HDAC9: variants seen among roughly 807,000 people sequenced by gnomAD.
HDAC9 encodes the protein MEF-2 interacting transcription repressor (MITR) protein.
Under a neutral mutation model 139.4 loss-of-function variants are expected in HDAC9, and 41 were observed. The ratio of observed to expected loss-of-function variants is 0.29; its 90% CI spans 0.23 to 0.38. The LOEUF is 0.38. Ranked by LOEUF, HDAC9 falls within the 10% of genes least tolerant of loss-of-function variation. The probability of loss-of-function intolerance (pLI) is 1.00; values close to 1 mark genes in which losing one functional copy is unlikely to be tolerated. For synonymous variants in HDAC9, 517 were observed against 476.2 expected, an observed-to-expected ratio of 1.09 and a Z score of -1.12; for missense variants, 1,147 against 1,297.0, an observed-to-expected ratio of 0.88 and a Z score of 1.78.
At chr7:18,509,229 G>C in intron 2 of HDAC9, 1 of 978,514 alleles carries the variant, frequency 1.0e-6, no homozygotes, top group Non-Finnish European at 1.2e-6. Context: ...CTAAGTCAAA[G>C]CACAATTAGA....
At chr7:18,914,013 T>C (rs1002870484) in intron 22 of HDAC9, among the ~76,000 whole-genome samples, 1 of 152,008 alleles carries the variant, frequency 6.6e-6, no homozygotes, top group African/African-American at 2.4e-5. Flanking sequence ...ACCAATGTTA[T>C]AATGTTAGGA....
rs183287780 is a variant in HDAC9, at chr7:18,905,186, C to T, written c.2803+30590C>T. 2.4e-3 allele frequency among the ~76,000 whole-genome samples: 369 copies of T among 152,310 alleles called. 2 individuals are homozygous for T. Among genetic ancestry groups the T allele is most frequent in the African/African-American group, 8.2e-3 (340 of 41,566 alleles). On this transcript the variant is annotated intron_variant, in intron 22 of 25. Coordinates refer to ENST00000686413, the MANE Select transcript of HDAC9 (RefSeq NM_178425.4). ...GATTACAGGCGTGAGCCACTGCGCC[C>T]GGCCCAGCCTCCCCATTTCTTGTTA...
intron 1 of HDAC9, among the ~76,000 whole-genome samples, chr7:18,126,068 A>G (rs1388510187): frequency 6.6e-6 from 1 of 152,076 alleles, no homozygotes; most frequent in Non-Finnish European, 1.5e-5. Flanking sequence ...ATTCTTTCCT[A>G]TTTATATAGT....
intron 2 of HDAC9, among the ~76,000 whole-genome samples, chr7:18,280,774 A>G (rs1280911131): frequency 4.7e-5 from 7 of 150,536 alleles, no homozygotes; most frequent in South Asian, 4.2e-4. Flanking sequence ...AAAAAAATAA[A>G]TAAATAAATA....
intron 2 of HDAC9, among the ~76,000 whole-genome samples, chr7:18,513,256 G>A (rs1305034050): frequency 6.6e-6 from 1 of 152,214 alleles, no homozygotes; most frequent in African/African-American, 2.4e-5. Context: ...AGGGACTTTA[G>A]TAAAGTGGTT....
At chr7:18,239,472 A>T (rs1229521522) in intron 2 of HDAC9, among the ~76,000 whole-genome samples, 1 of 152,188 alleles carries the variant, frequency 6.6e-6, no homozygotes, top group East Asian at 1.9e-4. Context: ...GTTTTGATGT[A>T]CATAAAAGCT....
intron 6 of HDAC9, among the ~76,000 whole-genome samples, chr7:18,600,152 T>A (rs1833571734): frequency 6.6e-6 from 1 of 152,146 alleles, no homozygotes; most frequent in Non-Finnish European, 1.5e-5. Flanking sequence ...AATTGGTTTT[T>A]TTCTCATTGT....
chr7:18,599,020 A>C (rs1311361441), intron 6 of HDAC9, among the ~76,000 whole-genome samples: 1 of 152,184 alleles, frequency 6.6e-6, no homozygotes, highest in African/African-American at 2.4e-5. Context: ...TTAACAAATA[A>C]AATAAAAAAC....
chr7:18,829,949 G>A (rs965963391), intron 19 of HDAC9, among the ~76,000 whole-genome samples: 2 of 152,100 alleles, frequency 1.3e-5, no homozygotes, highest in Non-Finnish European at 2.9e-5. Context: ...TAGAAATCAT[G>A]TTGCTTGTTG....
chr7:18,194,706 T>TA (rs755731143), intron 2 of HDAC9, among the ~76,000 whole-genome samples: 41 of 152,236 alleles, frequency 2.7e-4, no homozygotes, highest in Non-Finnish European at 4.7e-4. Flanking sequence ...ATACATTAAA[T>TA]AAACAGGCAA....
intron 2 of HDAC9, chr7:18,260,651 G>A (rs1242328380): frequency 6.5e-6 from 1 of 154,128 alleles, no homozygotes; most frequent in East Asian, 1.9e-4. Flanking sequence ...ATTTCCTTTA[G>A]TCAGTACAAC....
rs1171644767 is a variant in HDAC9 at position 19,002,202 on chromosome 7, C to T, written c.*6140C>T. 2 of 152,096 alleles carry T rather than the reference C, an allele frequency of 1.3e-5. No homozygotes were observed. Among genetic ancestry groups the T allele is most frequent in the African/African-American group, 4.8e-5 (2 of 41,434 alleles). The allele number at this position is 152,096 out of a possible 1,614,324, so 9.4% of individuals were successfully genotyped here. On this transcript the variant is annotated 3_prime_UTR_variant, in exon 26 of 26. Transcript: ENST00000686413. ...CTAATAAAGGATTAATATCTAATAACAATACCATTGTTGAACATGCTCATG... is the reference window on the plus strand; with the variant it reads ...CTAATAAAGGATTAATATCTAATAATAATACCATTGTTGAACATGCTCATG...
chr7:18,441,825 T>C (rs1479282101), intron 1 of HDAC9, among the ~76,000 whole-genome samples: 1 of 152,112 alleles, frequency 6.6e-6, no homozygotes, highest in Non-Finnish European at 1.5e-5. Flanking sequence ...CTGGAGTGCA[T>C]GGCGCCATCA....
chr7:18,403,005 G>A (rs1458160698), intron 1 of HDAC9, among the ~76,000 whole-genome samples: 4 of 152,110 alleles, frequency 2.6e-5, no homozygotes, highest in South Asian at 2.1e-4. Context: ...GCTTGATCCT[G>A]AAAAGTCCCT....
intron 1 of HDAC9, among the ~76,000 whole-genome samples, chr7:18,402,215 G>A (rs1787610141): frequency 6.6e-6 from 1 of 152,120 alleles, no homozygotes; most frequent in African/African-American, 2.4e-5. Flanking sequence ...CCAGAAGTAG[G>A]ACGGGTTAAC....
At chr7:18,971,061 T>C (rs1784211516) in intron 24 of HDAC9, among the ~76,000 whole-genome samples, 5 of 152,212 alleles carry the variant, frequency 3.3e-5, no homozygotes, top group Admixed American at 3.3e-4. Context: ...CAGGATGCCC[T>C]CTCCTGGGTC....
chr7:18,626,517 C>T (rs11977467), intron 6 of HDAC9, among the ~76,000 whole-genome samples: 4,047 of 152,250 alleles, frequency 0.027, 146 homozygotes, highest in African/African-American at 0.075. Flanking sequence ...TAAAGTAATT[C>T]ATCCAGGCAT....
At chr7:18,653,854 A>G (rs1419144293) in intron 11 of HDAC9, among the ~76,000 whole-genome samples, 1 of 152,080 alleles carries the variant, frequency 6.6e-6, no homozygotes, top group African/African-American at 2.4e-5. Context: ...TAATTTTCTA[A>G]CATGAATGTT....
intron 2 of HDAC9, among the ~76,000 whole-genome samples, chr7:18,247,165 G>T (rs1488417953): frequency 1.3e-5 from 2 of 151,918 alleles, no homozygotes; most frequent in Non-Finnish European, 2.9e-5. Context: ...TCTGTCTGGA[G>T]TTCTAGAAAG....
Sources: allele counts gnomAD v4.1 joint callset (sites outside exome capture counted in the v4.1 genomes callset), GRCh38; gene constraint gnomAD v4.1.1; transcripts MANE v1.5; gene names NCBI Gene and HGNC (gene_info 2026-07-23, HGNC 2026-07-21).